Variants in PEMT observed in about 807,000 individuals in gnomAD.
PEMT encodes phospholipid methyltransferase.
A neutral mutation model predicts 27.4 loss-of-function variants in PEMT; 23 were observed. That is an observed-to-expected ratio of 0.84 (90% confidence interval 0.60 to 1.19). The LOEUF (loss-of-function observed/expected upper bound fraction) is 1.19, where lower values mean the gene tolerates loss of function less well. Ranked by LOEUF, PEMT falls within the 50% of genes most tolerant of loss-of-function variation. PEMT has a pLI of 0.00. For synonymous variants in PEMT, 137 were observed against 139.1 expected (o/e 0.98, Z 0.11); for missense variants, 307 against 310.1 (o/e 0.99, Z 0.07).
At chr17:17,590,443 T>C (rs1304152161) in intron 1 of PEMT, among the ~76,000 whole-genome samples, 1 of 152,216 alleles carries the variant, frequency 6.6e-6, no homozygotes, top group Non-Finnish European at 1.5e-5. Context: ...ACAGGCTCTC[T>C]TGGGATTTCA....
chr17:17,528,894 G>A (rs1166853903), intron 2 of PEMT, among the ~76,000 whole-genome samples: 1 of 152,226 alleles, frequency 6.6e-6, no homozygotes, highest in Non-Finnish European at 1.5e-5. Flanking sequence ...AGCAGCATGA[G>A]GACAGCCCAT....
chr17:17,571,710 G>GT (rs1186025919), intron 2 of PEMT, among the ~76,000 whole-genome samples: 2 of 106,836 alleles, frequency 1.9e-5, no homozygotes, highest in Admixed American at 9.2e-5. Flanking sequence ...TTTTGTTTTG[G>GT]GTTTTTTTTT....
intron 2 of PEMT, among the ~76,000 whole-genome samples, chr17:17,541,324 C>G (rs4646386): frequency 6.6e-6 from 1 of 151,482 alleles, no homozygotes; most frequent in Non-Finnish European, 1.5e-5. Flanking sequence ...GATCCCGAGC[C>G]CCAGCTCTTT....
chr17:17,580,916 T>C (rs895955887), intron 1 of PEMT, among the ~76,000 whole-genome samples: 18 of 152,106 alleles, frequency 1.2e-4, no homozygotes, highest in African/African-American at 3.9e-4. Flanking sequence ...GCCCTCCCCA[T>C]GGACCCTTAC....
chr17:17,538,089 G>A (rs1221895131), intron 2 of PEMT, among the ~76,000 whole-genome samples: 2 of 152,236 alleles, frequency 1.3e-5, no homozygotes, highest in Admixed American at 1.3e-4. Context: ...CTGCAACAGG[G>A]GGCCAGTCAG....
At chr17:17,529,958 C>T (rs775941236) in intron 2 of PEMT, among the ~76,000 whole-genome samples, 11 of 152,194 alleles carry the variant, frequency 7.2e-5, no homozygotes, top group Non-Finnish European at 1.3e-4. Flanking sequence ...GTGTAAGCTC[C>T]AGGATATATT....
intron 2 of PEMT, among the ~76,000 whole-genome samples, chr17:17,572,013 T>A (rs1048725456): frequency 7.2e-5 from 11 of 152,208 alleles, no homozygotes; most frequent in African/African-American, 2.7e-4. Context: ...TCACACTGTC[T>A]GGAGCCCAAG....
chr17:17,547,068 T>TG (rs956182330), intron 2 of PEMT, among the ~76,000 whole-genome samples: 27 of 152,244 alleles, frequency 1.8e-4, no homozygotes, highest in African/African-American at 6.0e-4. Flanking sequence ...ATGCTCCGCC[T>TG]GGGGGGCACC....
At chr17:17,564,690 C>T (rs748070593) in intron 2 of PEMT, among the ~76,000 whole-genome samples, 3 of 152,186 alleles carry the variant, frequency 2.0e-5, no homozygotes, top group Non-Finnish European at 4.4e-5. Flanking sequence ...AGTCTCTCTT[C>T]CCTCTGCTCC....
chr17:17,581,840 A>T (rs1483410833), intron 1 of PEMT, among the ~76,000 whole-genome samples: 1 of 152,132 alleles, frequency 6.6e-6, no homozygotes, highest in East Asian at 1.9e-4. Flanking sequence ...GGAAAGAATG[A>T]CTAATGGTTC....
intron 2 of PEMT, among the ~76,000 whole-genome samples, chr17:17,551,896 T>A (rs571486683): frequency 3.3e-5 from 5 of 152,286 alleles, no homozygotes; most frequent in South Asian, 2.1e-4. Context: ...ACAAAAAAAC[T>A]TCAGGCATTT....
At chr17:17,580,591 C>T (rs1253688354) in intron 1 of PEMT, among the ~76,000 whole-genome samples, 4 of 152,136 alleles carry the variant, frequency 2.6e-5, no homozygotes, top group Non-Finnish European at 5.9e-5. Flanking sequence ...TTTGGTCATG[C>T]CTGGCACTTA....
At chr17:17,541,784 G>A (rs926928456) in intron 2 of PEMT, among the ~76,000 whole-genome samples, 5 of 152,204 alleles carry the variant, frequency 3.3e-5, no homozygotes, top group African/African-American at 1.2e-4. Flanking sequence ...CACAGCTGTG[G>A]CCTGGGCTGC....
intron 2 of PEMT, among the ~76,000 whole-genome samples, chr17:17,527,046 TTA>T (rs1338587387): frequency 2.0e-5 from 3 of 152,244 alleles, no homozygotes; most frequent in East Asian, 3.9e-4. Context: ...TTATTTTTGT[TTA>T]TGTTTTTAGA....
At chr17:17,506,906 G>T in intron 5 of PEMT, 1 of 514,266 alleles carries the variant, frequency 1.9e-6, no homozygotes, top group Non-Finnish European at 3.5e-6. Context: ...GCTCTCCCAG[G>T]TGGTGGGACA....
rs545208180 is a variant in PEMT at position 17,576,324 on chromosome 17, C to T, written c.204+596G>A. 1.6e-4 allele frequency among the ~76,000 whole-genome samples: 25 copies of T among 152,326 alleles called. No homozygotes were observed. In the East Asian group the frequency reaches 4.6e-3, roughly 28 times the overall value. On this transcript the variant is annotated intron_variant, in intron 2 of 6. Transcript: ENST00000255389. ...CCACCCACCCCTCGGTGCTGGTGCCCGGGCACCCAAACATCCCCTGGCACC... is the reference window on the plus strand; with the variant it reads ...CCACCCACCCCTCGGTGCTGGTGCCTGGGCACCCAAACATCCCCTGGCACC...
intron 2 of PEMT, among the ~76,000 whole-genome samples, chr17:17,554,311 T>C (rs1909889363): frequency 6.6e-6 from 1 of 152,164 alleles, no homozygotes; most frequent in Admixed American, 6.5e-5. Flanking sequence ...TGACAATCCA[T>C]GAAGAGAAGA....
At chr17:17,558,702 AAAAG>A (rs1020099492) in intron 2 of PEMT, among the ~76,000 whole-genome samples, 3 of 68,862 alleles carry the variant, frequency 4.4e-5, no homozygotes, top group African/African-American at 1.0e-4. Flanking sequence ...AAAAAAAACA[AAAAG>A]AAAGGGCAGC....
At chr17:17,556,175 G>C (rs1473614258) in intron 2 of PEMT, among the ~76,000 whole-genome samples, 2 of 152,200 alleles carry the variant, frequency 1.3e-5, no homozygotes, top group African/African-American at 4.8e-5. Flanking sequence ...ACAGGGCCAG[G>C]TCCTGCTCAA....
Sources: gnomAD v4.1 joint callset for allele counts (sites outside exome capture counted in the v4.1 genomes callset) on GRCh38, gnomAD v4.1.1 for gene constraint, MANE v1.5 for transcripts, NCBI Gene and HGNC (gene_info 2026-07-23, HGNC 2026-07-21) for gene names.